PRPH2: variants seen among roughly 807,000 people sequenced by gnomAD.
PRPH2 encodes peripherin 2.
PRPH2 carries 17 observed loss-of-function variants against 31.3 expected under a neutral mutation model. The ratio of observed to expected loss-of-function variants is 0.54; its 90% CI spans 0.37 to 0.81. The LOEUF (loss-of-function observed/expected upper bound fraction) is 0.81. Ranked by LOEUF, PRPH2 falls within the 40% of genes least tolerant of loss-of-function variation. PRPH2 has a pLI of 0.00. For synonymous variants in PRPH2, 165 were observed against 184.4 expected (o/e 0.89, Z 0.85); for missense variants, 430 against 439.7 (o/e 0.98, Z 0.20).
chr6:42,710,044 C>T (rs528829941), intron 1 of PRPH2, among the ~76,000 whole-genome samples: 36 of 152,328 alleles, frequency 2.4e-4, no homozygotes, highest in African/African-American at 8.4e-4. Flanking sequence ...GGCTTGCGGA[C>T]ATTCCCCGTC....
In PRPH2 at chr6:42,701,682, AT is replaced by A. The variant is rs70990127; in HGVS notation, c.828+2682del. ...TAGGCATGCGCCACCACGTCCAGCA[AT>A]TTTTTTTTTTTTTTTTTTTTTTTTT... On this transcript the variant is annotated intron_variant, in intron 2 of 2. Coordinates refer to ENST00000230381, the MANE Select transcript of PRPH2 (RefSeq NM_000322.5). Among the ~76,000 whole-genome samples the A allele has an allele frequency of 6.4e-4, 50 of 78,514 alleles. 1 individual carries two copies. The highest frequency in any genetic ancestry group is 0.01 in the Middle Eastern group (1 of 96). The allele number at this position is 78,514 out of a possible 152,430, so 51.5% of individuals were successfully genotyped here.
chr6:42,706,857 G>A (rs1800173413), intron 1 of PRPH2, among the ~76,000 whole-genome samples: 1 of 151,554 alleles, frequency 6.6e-6, no homozygotes. Context: ...GAGGCTTCAT[G>A]CATGGACAAG....
At chr6:42,716,592 T>TGTTTG (rs1344328971) in intron 1 of PRPH2, among the ~76,000 whole-genome samples, 28 of 148,368 alleles carry the variant, frequency 1.9e-4, no homozygotes, top group African/African-American at 7.0e-4. Context: ...TAATTTTTTT[T>TGTTTG]GTTTGGTTTG....
intron 1 of PRPH2, among the ~76,000 whole-genome samples, chr6:42,719,305 T>C (rs1043582449): frequency 1.3e-5 from 2 of 151,842 alleles, no homozygotes; most frequent in Non-Finnish European, 2.9e-5. Context: ...GCCTCCCGAG[T>C]AGCTGAGATT....
chr6:42,710,710 C>G (rs891594681), intron 1 of PRPH2, among the ~76,000 whole-genome samples: 1 of 152,212 alleles, frequency 6.6e-6, no homozygotes, highest in African/African-American at 2.4e-5. Context: ...CTAGGCCACT[C>G]TCCCATAAGC....
rs1442844778 is a variant in PRPH2, at chr6:42,704,528, C to T, written c.665G>A (p.Cys222Tyr). 2 of 1,614,182 alleles carry T rather than the reference C, an allele frequency of 1.2e-6. No individual in the cohort carries two copies. Among genetic ancestry groups the T allele is most frequent in the Non-Finnish European group, 1.7e-6 (2 of 1,180,030 alleles). ...GTTGTTGGTGATCTGATACTGGATG[C>T]AGGGCCGTGGCGAGCTAGGATTGCA... ...SCCNPSSPRP[C>Y]IQYQITNNSA... Residue 222 changes from cysteine to tyrosine, a missense_variant, in exon 2 of 3, where the codon TGC becomes TAC. Coordinates refer to ENST00000230381, the MANE Select transcript of PRPH2 (RefSeq NM_000322.5).
At position 42,717,839 on chromosome 6, in the gene PRPH2, A is replaced by C. The variant is rs115709622; in HGVS notation, c.581+3915T>G. Among the ~76,000 whole-genome samples, 370 of 152,168 alleles carry C rather than the reference A, an allele frequency of 2.4e-3. 1 individual carries two copies. The highest frequency in any genetic ancestry group is 8.6e-3 in the African/African-American group (355 of 41,494). On this transcript the variant is annotated intron_variant, in intron 1 of 2. Coordinates refer to ENST00000230381, the MANE Select transcript of PRPH2 (RefSeq NM_000322.5). Reference sequence around the variant, plus strand: ...TTCTGAACATAATCCCAGGAGCCTCACTTCCCTCGCAGGCCTTGTTCAGTG... The same window carrying C: ...TTCTGAACATAATCCCAGGAGCCTCCCTTCCCTCGCAGGCCTTGTTCAGTG...
chr6:42,699,228 T>C (rs1258559417), intron 2 of PRPH2, among the ~76,000 whole-genome samples: 1 of 150,940 alleles, frequency 6.6e-6, no homozygotes, highest in Non-Finnish European at 1.5e-5. Context: ...AATTTTTGTA[T>C]TTTTTTGTTG....
chr6:42,712,274 G>C (rs1221190835), intron 1 of PRPH2, among the ~76,000 whole-genome samples: 1 of 152,184 alleles, frequency 6.6e-6, no homozygotes, highest in East Asian at 1.9e-4. Flanking sequence ...CATGGACTTG[G>C]TTTGGATCCT....
At position 42,697,868 on chromosome 6, in the gene PRPH2, A is replaced by T. The variant is rs1799973795; in HGVS notation, c.*427T>A. The T allele has an allele frequency of 6.0e-6, 1 of 166,038 alleles. No homozygotes were observed. Among genetic ancestry groups the T allele is most frequent in the Non-Finnish European group, 1.3e-5 (1 of 76,710 alleles). The allele number at this position is 166,038 out of a possible 1,614,324, so 10.3% of individuals were successfully genotyped here. On this transcript the variant is annotated 3_prime_UTR_variant, in exon 3 of 3. Transcript: ENST00000230381. ...TTCAGATTTCTGTGCTTATGCACCA[A>T]GTGACACTTTGGATAGAGTGAAGCA...
At chr6:42,710,864 C>T (rs909454609) in intron 1 of PRPH2, among the ~76,000 whole-genome samples, 4 of 152,192 alleles carry the variant, frequency 2.6e-5, no homozygotes, top group African/African-American at 4.8e-5. Context: ...CCAAGCAGAA[C>T]GCTGGCTGAG....
At chr6:42,709,962 G>A (rs951943989) in intron 1 of PRPH2, among the ~76,000 whole-genome samples, 4 of 152,210 alleles carry the variant, frequency 2.6e-5, no homozygotes, top group Admixed American at 6.5e-5. Flanking sequence ...TGTCTGTGAT[G>A]TGAGGGTCAG....
chr6:42,721,942 G>T lies in PRPH2; in HGVS notation c.393C>A (p.Gly131=). 1 of 1,614,148 alleles carries T rather than the reference G, an allele frequency of 6.2e-7. No homozygotes were observed. The highest frequency in any genetic ancestry group is 8.5e-7 in the Non-Finnish European group (1 of 1,180,034). Residue 131 remains glycine (G), a synonymous_variant, in exon 1 of 3, where the codon GGC becomes GGA. Transcript: ENST00000230381. ...ACTTCATGCCGTTCTTGAGCCCTTG[G>T]CCCAGGGTGTTCTCCAGCGAGCCCC... is the stretch of plus-strand genomic sequence containing the variant. The part of the protein sequence containing the change: ...LLRGSLENTL[G]QGLKNGMKYY...
At chr6:42,709,242 A>C (rs1011548530) in intron 1 of PRPH2, among the ~76,000 whole-genome samples, 1 of 151,362 alleles carries the variant, frequency 6.6e-6, no homozygotes, top group African/African-American at 2.4e-5. Flanking sequence ...AGGCAGAAGA[A>C]TCACTTGAAC....
rs1172142572 is a variant in PRPH2 at position 42,697,313 on chromosome 6, A to G, written c.*982T>C. On this transcript the variant is annotated 3_prime_UTR_variant, in exon 3 of 3. Transcript: ENST00000230381. ...GTATCTGGGGGGAAGAAACGGAAGA[A>G]GCTCCCAGAGGATTCCTTGCCCTTT... is the stretch of plus-strand genomic sequence containing the variant. 6.6e-6 allele frequency: 1 copy of G among 152,184 alleles called. No homozygotes were observed. The highest frequency in any genetic ancestry group is 2.4e-5 in the African/African-American group (1 of 41,440). The allele number at this position is 152,184 out of a possible 1,614,324, so 9.4% of individuals were successfully genotyped here.
intron 1 of PRPH2, among the ~76,000 whole-genome samples, chr6:42,707,045 G>A (rs1399142259): frequency 6.8e-6 from 1 of 146,340 alleles, no homozygotes; most frequent in Non-Finnish European, 1.5e-5. Flanking sequence ...GAGTGCAGTG[G>A]TGTGCCACCA....
At position 42,697,810 on chromosome 6, in the gene PRPH2, TAA is replaced by T. The variant is rs55851577; in HGVS notation, c.*483_*484del. 311 of 143,608 alleles carry T rather than the reference TAA, an allele frequency of 2.2e-3. No homozygotes were observed. The highest frequency in any genetic ancestry group is 3.5e-3 in the Admixed American group (51 of 14,562). The allele number at this position is 143,608 out of a possible 1,614,324, so 8.9% of individuals were successfully genotyped here. A position where few individuals can be genotyped will look rare whatever the true frequency, so the allele number is the denominator to read the frequency against. ...ACGGCCAACCTGTCAATCTTGGCATTAAAAAAAAAAAAAAAAGACAACATGGC... is the reference window on the plus strand; with the variant it reads ...ACGGCCAACCTGTCAATCTTGGCATTAAAAAAAAAAAAAAGACAACATGGC... On this transcript the variant is annotated 3_prime_UTR_variant, in exon 3 of 3. Transcript: ENST00000230381.
At chr6:42,716,969 T>TC (rs1761798928) in intron 1 of PRPH2, among the ~76,000 whole-genome samples, 1 of 120,600 alleles carries the variant, frequency 8.3e-6, no homozygotes, top group Non-Finnish European at 1.7e-5. Context: ...TTTCTTTTTT[T>TC]TTTTTTTTTT....
chr6:42,703,186 T>C (rs925739171), intron 2 of PRPH2, among the ~76,000 whole-genome samples: 1 of 152,118 alleles, frequency 6.6e-6, no homozygotes, highest in African/African-American at 2.4e-5. Context: ...AGGTGAATTT[T>C]TCTTCTTGTC....
Sources: gnomAD v4.1 joint callset for allele counts (sites outside exome capture counted in the v4.1 genomes callset) on GRCh38, gnomAD v4.1.1 for gene constraint, MANE v1.5 for transcripts, NCBI Gene and HGNC (gene_info 2026-07-23, HGNC 2026-07-21) for gene names.